NDST4: variants seen among roughly 807,000 people sequenced by gnomAD.
NDST4 encodes the protein N-heparan sulfate sulfotransferase 4.
NDST4 carries 63 observed loss-of-function variants against 100.8 expected under a neutral mutation model. The observed-to-expected ratio is 0.62, with a 90% confidence interval of 0.51 to 0.77. The LOEUF is 0.77. Ranked by LOEUF, NDST4 falls within the 30% of genes least tolerant of loss-of-function variation. The pLI is 0.00. For missense variants in NDST4, 943 were observed against 1,018.4 expected (o/e 0.93, Z 1.01); for synonymous variants, 377 against 361.8 (o/e 1.04, Z -0.48).
chr4:114,958,019 T>A (rs548956449), intron 4 of NDST4, among the ~76,000 whole-genome samples: 2 of 152,310 alleles, frequency 1.3e-5, no homozygotes, highest in South Asian at 4.1e-4. Flanking sequence ...TGCAAGCCAT[T>A]GGTGGATCTA....
At chr4:114,926,746 T>C (rs1261404002) in intron 6 of NDST4, among the ~76,000 whole-genome samples, 2 of 152,114 alleles carry the variant, frequency 1.3e-5, no homozygotes, top group Admixed American at 1.3e-4. Flanking sequence ...AAGCTGCAGA[T>C]GTTATTATAA....
intron 9 of NDST4, among the ~76,000 whole-genome samples, chr4:114,847,633 T>C (rs1171609570): frequency 6.6e-6 from 1 of 152,078 alleles, no homozygotes; most frequent in Non-Finnish European, 1.5e-5. Flanking sequence ...TTTATTCTAT[T>C]TTAGTTTAGG....
intron 4 of NDST4, among the ~76,000 whole-genome samples, chr4:114,940,908 T>C (rs1038119981): frequency 6.6e-6 from 1 of 152,172 alleles, no homozygotes. Flanking sequence ...TCAGTTGCTC[T>C]CCTGCTCTGC....
intron 2 of NDST4, among the ~76,000 whole-genome samples, chr4:115,020,195 G>A (rs1016246149): frequency 1.3e-5 from 2 of 152,060 alleles, no homozygotes; most frequent in African/African-American, 2.4e-5. Flanking sequence ...AAACTTCTTA[G>A]GTATTACCTA....
chr4:114,855,357 T>C (rs976062061), intron 7 of NDST4, among the ~76,000 whole-genome samples: 1 of 152,216 alleles, frequency 6.6e-6, no homozygotes, highest in African/African-American at 2.4e-5. Context: ...CCAGACTAAA[T>C]GTCTTGGGGA....
At chr4:114,916,694 A>T (rs72904978) in intron 6 of NDST4, among the ~76,000 whole-genome samples, 28,388 of 144,872 alleles carry the variant, frequency 0.2, 4,613 homozygotes, top group African/African-American at 0.46. Flanking sequence ...TCTAAGTTAT[A>T]TTTTTTATTC....
At chr4:115,088,144 C>T (rs909319476) in intron 1 of NDST4, among the ~76,000 whole-genome samples, 3 of 151,824 alleles carry the variant, frequency 2.0e-5, no homozygotes, top group Non-Finnish European at 4.4e-5. Flanking sequence ...GTCCCTCTCC[C>T]TAGCTCCACA....
chr4:114,865,477 T>C (rs6833754), intron 7 of NDST4, among the ~76,000 whole-genome samples: 13,006 of 152,232 alleles, frequency 0.085, 1,620 homozygotes, highest in African/African-American at 0.27. Flanking sequence ...TAAAATGAAC[T>C]GTATTTTTAA....
intron 1 of NDST4, among the ~76,000 whole-genome samples, chr4:115,087,578 G>C (rs1729433767): frequency 6.6e-6 from 1 of 151,672 alleles, no homozygotes; most frequent in Admixed American, 6.6e-5. Flanking sequence ...TGGAGTTCAT[G>C]TGAAAAGTGT....
At chr4:114,887,876 A>T (rs72899268) in intron 6 of NDST4, among the ~76,000 whole-genome samples, 2 of 152,172 alleles carry the variant, frequency 1.3e-5, no homozygotes, top group East Asian at 3.9e-4. Flanking sequence ...GTCTTTAATG[A>T]TAGATAAAAG....
chr4:114,977,261 G>T lies in NDST4; in HGVS notation c.992C>A (p.Thr331Asn). 6.2e-7 allele frequency: 1 copy of T among 1,606,234 alleles called. No individual in the cohort carries two copies. Among genetic ancestry groups the T allele is most frequent in the Non-Finnish European group, 8.5e-7 (1 of 1,174,626 alleles). Reference protein sequence around the residue: ...NVKDVKALLETQNLLRTQVAN... With the variant: ...NVKDVKALLENQNLLRTQVAN... ...AACCTGAGTGCGCAGTAAATTTTGA[G>T]TCTCTAGTAATGCCTGAAATAAATA... The change falls in exon 3 of 14, where the codon ACT becomes AAT. Residue 331 changes from threonine to asparagine, a missense_variant. Physicochemically the swap from Thr to Asn is moderately conservative, Grantham distance 65 (BLOSUM62 0). Around this residue, in one of 2 missense-constraint regions of NDST4, gnomAD observed 417 missense variants for 384.2 expected, o/e 1.09. Coordinates refer to ENST00000264363, the MANE Select transcript of NDST4 (RefSeq NM_022569.3).
In NDST4 at chr4:114,916,815, T is replaced by A. The variant is rs541237180; in HGVS notation, c.1536+18391A>T. ...CTTTCCAAGTGCATGCCACAGTGCCTGGCTTCAGCAAATCTTACGTAAATT... is the reference window on the plus strand; with the variant it reads ...CTTTCCAAGTGCATGCCACAGTGCCAGGCTTCAGCAAATCTTACGTAAATT... On this transcript the variant is annotated intron_variant, in intron 6 of 13. Transcript: ENST00000264363. Among the ~76,000 whole-genome samples, 11 of 151,984 alleles carry A rather than the reference T, an allele frequency of 7.2e-5. No individual in the cohort carries two copies. In the East Asian group the frequency reaches 1.9e-3, roughly 27 times the overall value.
At chr4:115,056,172 T>C (rs1728689949) in intron 2 of NDST4, among the ~76,000 whole-genome samples, 1 of 151,818 alleles carries the variant, frequency 6.6e-6, no homozygotes, top group South Asian at 2.1e-4. Context: ...GGAAACATGG[T>C]GAAACCTCAT....
At chr4:114,954,088 A>G (rs1726082545) in intron 4 of NDST4, among the ~76,000 whole-genome samples, 1 of 152,172 alleles carries the variant, frequency 6.6e-6, no homozygotes, top group Non-Finnish European at 1.5e-5. Context: ...ATTCAAGATC[A>G]TTCACATACT....
At chr4:115,078,189 G>A (rs1170630487) in intron 1 of NDST4, among the ~76,000 whole-genome samples, 1 of 152,158 alleles carries the variant, frequency 6.6e-6, no homozygotes, top group Non-Finnish European at 1.5e-5. Flanking sequence ...CGGTTCTGCA[G>A]GCTGTACAGG....
intron 2 of NDST4, among the ~76,000 whole-genome samples, chr4:115,071,659 A>T (rs1729080956): frequency 6.6e-6 from 1 of 152,044 alleles, no homozygotes; most frequent in South Asian, 2.1e-4. Context: ...GCTATGCAAC[A>T]CCATTGTTCT....
At chr4:114,966,111 T>C (rs1346426566) in intron 4 of NDST4, among the ~76,000 whole-genome samples, 1 of 152,070 alleles carries the variant, frequency 6.6e-6, no homozygotes, top group Non-Finnish European at 1.5e-5. Context: ...CGGTTGACTA[T>C]GCTTGTCATT....
chr4:114,839,238 T>C, intron 11 of NDST4, 140 bp downstream of exon 11: 1 of 660,254 alleles, frequency 1.5e-6, no homozygotes, highest in Non-Finnish European at 2.4e-6. Flanking sequence ...TCTCTGGCAA[T>C]GTTAATTCCC....
chr4:115,056,474 G>A (rs895260861), intron 2 of NDST4, among the ~76,000 whole-genome samples: 1 of 152,142 alleles, frequency 6.6e-6, no homozygotes, highest in Non-Finnish European at 1.5e-5. Context: ...GTTGATTGTA[G>A]ATTATTTTCC....
Sources: allele counts gnomAD v4.1 joint callset (sites outside exome capture counted in the v4.1 genomes callset), GRCh38; gene constraint gnomAD v4.1.1; regional missense constraint gnomAD v4.1.1; transcripts MANE v1.5; gene names NCBI Gene and HGNC (gene_info 2026-07-23, HGNC 2026-07-21).